The following WDR25 variants were observed in gnomAD, a reference collection of about 807,000 sequenced individuals.
WDR25 encodes WD repeat domain 25.
In WDR25, 35 loss-of-function variants were observed where a neutral mutation model predicts 47.7. The ratio of observed to expected loss-of-function variants is 0.73; its 90% CI spans 0.56 to 0.97. The LOEUF (loss-of-function observed/expected upper bound fraction) is 0.97, where lower values mean the gene tolerates loss of function less well. WDR25 is among the 50% of genes least tolerant of loss of function. The pLI is 0.00. For synonymous variants in WDR25, 248 were observed against 278.9 expected (o/e 0.89, Z 1.10); for missense variants, 634 against 704.7 (o/e 0.90, Z 1.14).
At position 100,476,320 on chromosome 14, in the gene WDR25, A is replaced by G. The variant is rs953042376; in HGVS notation, c.971-7674A>G. On this transcript the variant is annotated intron_variant, in intron 3 of 6. Transcript: ENST00000402312. ...ATGCATAAAGTTTGATTTGAAAGTT[A>G]GTAAGTTTCTTTTCTCGTTAACTTT... Among the ~76,000 whole-genome samples, 12 of 152,234 alleles carry G rather than the reference A, an allele frequency of 7.9e-5. No homozygotes were observed. In the East Asian group the frequency reaches 2.4e-3, roughly 30 times the overall value.
chr14:100,417,716 C>T (rs1356102685), intron 2 of WDR25, among the ~76,000 whole-genome samples: 3 of 152,216 alleles, frequency 2.0e-5, no homozygotes, highest in South Asian at 4.1e-4. Context: ...ATCGCCCTTA[C>T]TTTGATACTG....
chr14:100,528,234 G>A (rs1253528238), intron 5 of WDR25, among the ~76,000 whole-genome samples: 2 of 151,990 alleles, frequency 1.3e-5, no homozygotes, highest in African/African-American at 2.4e-5. Flanking sequence ...TATTAAGTAT[G>A]ATTGGGCTGA....
Position 100,381,029 on chromosome 14 carries a change from G to A in WDR25, c.105G>A (p.Gln35=), listed in dbSNP as rs755145423. ...CAGGAAGTTTTAATGCTACCGGCCA[G>A]CAGAAAGACACTTCTGGTGTGGCCA... ...EHAGSFNATG[Q]QKDTSGVARP... Residue 35 remains glutamine, a synonymous_variant, in exon 2 of 7, where the codon CAG becomes CAA. Transcript: ENST00000402312. The A allele has an allele frequency of 2.5e-6, 4 of 1,614,250 alleles. No individual in the cohort carries two copies. The highest frequency in any genetic ancestry group is 1.3e-5 in the African/African-American group (1 of 75,066).
chr14:100,395,028 T>C (rs900288616), intron 2 of WDR25, among the ~76,000 whole-genome samples: 5 of 151,970 alleles, frequency 3.3e-5, no homozygotes, highest in African/African-American at 1.2e-4. Context: ...AGGACAGCCC[T>C]GTACTGTGCA....
Position 100,392,838 on chromosome 14 carries a change from A to G in WDR25, c.822+11092A>G, listed in dbSNP as rs1355242716. Among the ~76,000 whole-genome samples, 1 of 152,208 alleles carries G rather than the reference A, an allele frequency of 6.6e-6. No homozygotes were observed. The highest frequency in any genetic ancestry group is 2.4e-5 in the African/African-American group (1 of 41,444). ...GCTGAAGTGGTTATCTTCATGCATG[A>G]AACCCTTTTCTGTTGGATTATTTCT... On this transcript the variant is annotated intron_variant, in intron 2 of 6. Transcript: ENST00000402312. This position sits in a 1 kb window ranked among gnomAD's most constrained non-coding sequence, Gnocchi z 4.2.
chr14:100,463,092 C>T (rs1162492469), intron 2 of WDR25, among the ~76,000 whole-genome samples: 7 of 147,362 alleles, frequency 4.8e-5, no homozygotes, highest in Admixed American at 4.1e-4. Context: ...CTTCCTTTTT[C>T]CCTTCTCTTT....
chr14:100,388,813 A>G (rs1897075180), intron 2 of WDR25, among the ~76,000 whole-genome samples: 1 of 152,214 alleles, frequency 6.6e-6, no homozygotes, highest in Non-Finnish European at 1.5e-5. Context: ...TAAACAGTTC[A>G]GTGTACCAAG....
chr14:100,467,244 C>T (rs1202353494), intron 2 of WDR25, among the ~76,000 whole-genome samples: 1 of 152,160 alleles, frequency 6.6e-6, no homozygotes, highest in Admixed American at 6.5e-5. Flanking sequence ...TGAAAATAGC[C>T]TGGACTTGGG....
At chr14:100,528,726 T>C (rs903911664) in intron 5 of WDR25, among the ~76,000 whole-genome samples, 1 of 152,182 alleles carries the variant, frequency 6.6e-6, no homozygotes, top group African/African-American at 2.4e-5. Context: ...TGGGTATATT[T>C]TGGGGGGCAT....
chr14:100,439,144 C>T (rs542982136), intron 2 of WDR25, among the ~76,000 whole-genome samples: 2 of 152,368 alleles, frequency 1.3e-5, no homozygotes, highest in South Asian at 4.1e-4. Context: ...CCTCCCTGCA[C>T]CCACTGGTGA....
At chr14:100,382,702 T>C (rs1307275726) in intron 2 of WDR25, among the ~76,000 whole-genome samples, 3 of 152,182 alleles carry the variant, frequency 2.0e-5, no homozygotes, top group Non-Finnish European at 4.4e-5. Context: ...GCACCTGATA[T>C]GTAGCGGGTG....
chr14:100,385,872 A>G (rs2140144279), intron 2 of WDR25, among the ~76,000 whole-genome samples: 1 of 152,270 alleles, frequency 6.6e-6, no homozygotes, highest in Middle Eastern at 3.4e-3. Context: ...GAAAACATGT[A>G]CGTGGCCTGC....
At chr14:100,376,516 G>A in intron 1 of WDR25, 21 bp downstream of exon 1, 1 of 1,231,902 alleles carries the variant, frequency 8.1e-7, no homozygotes, top group Non-Finnish European at 1.0e-6. Flanking sequence ...TGAGCGGCGG[G>A]CCCCGGGCTG....
chr14:100,502,595 A>G lies in WDR25; in HGVS notation c.1101+18471A>G, dbSNP rs1016991402. Among the ~76,000 whole-genome samples the G allele has an allele frequency of 1.3e-5, 2 of 152,340 alleles. No homozygotes were observed. The highest frequency in any genetic ancestry group is 4.8e-5 in the African/African-American group (2 of 41,596). ...TTTAGAGTTCTTCATTAGGGGTCCT[A>G]TAGACACTTGCTGAATTAACCACTG... On this transcript the variant is annotated intron_variant, in intron 4 of 6. Coordinates refer to ENST00000402312, the MANE Select transcript of WDR25 (RefSeq NM_001161476.3). The surrounding 1 kb of genome is among the most constrained non-coding windows in gnomAD (Gnocchi z 4.5).
intron 4 of WDR25, among the ~76,000 whole-genome samples, chr14:100,501,067 G>A (rs1900905514): frequency 1.3e-5 from 2 of 152,208 alleles, no homozygotes. Flanking sequence ...GCGACCTGGT[G>A]TAGTGCATGG....
intron 4 of WDR25, among the ~76,000 whole-genome samples, chr14:100,501,854 G>T (rs996682070): frequency 2.0e-5 from 3 of 152,200 alleles, no homozygotes; most frequent in African/African-American, 7.2e-5. Context: ...GGCCATTTGG[G>T]CCTTTTCCTT....
At chr14:100,419,166 G>A (rs1235032325) in intron 2 of WDR25, among the ~76,000 whole-genome samples, 1 of 149,674 alleles carries the variant, frequency 6.7e-6, no homozygotes, top group Non-Finnish European at 1.5e-5. Context: ...AGATTGCAGT[G>A]AGCCGAGATC....
rs1200372398 is a variant in WDR25 at position 100,506,849 on chromosome 14, C to G, written c.1102-19021C>G. 2.6e-5 allele frequency among the ~76,000 whole-genome samples: 4 copies of G among 152,198 alleles called. No homozygotes were observed. The highest frequency in any genetic ancestry group is 9.6e-5 in the African/African-American group (4 of 41,538). On this transcript the variant is annotated intron_variant, in intron 4 of 6. Transcript: ENST00000402312. The surrounding 1 kb of genome is among the most constrained non-coding windows in gnomAD (Gnocchi z 4.8). ...AGATGCGTAGTTTGCAAATATTTCT[C>G]CTATTCTGTAGGTTGTCTGTTTACT...
At chr14:100,492,599 A>G (rs933518782) in intron 4 of WDR25, among the ~76,000 whole-genome samples, 9 of 152,238 alleles carry the variant, frequency 5.9e-5, no homozygotes, top group African/African-American at 2.2e-4. Context: ...TCTAATTTAT[A>G]AATCTTCTAT....
Sources: allele counts gnomAD v4.1 joint callset (sites outside exome capture counted in the v4.1 genomes callset), GRCh38; gene constraint gnomAD v4.1.1; non-coding constraint Gnocchi (gnomAD v3.1); transcripts MANE v1.5; gene names NCBI Gene and HGNC (gene_info 2026-07-23, HGNC 2026-07-21).